LIN54: variants seen among roughly 807,000 people sequenced by gnomAD.
LIN54 encodes the protein protein lin-54 homolog.
Under a neutral mutation model 78.7 loss-of-function variants are expected in LIN54, and 9 were observed. The ratio of observed to expected loss-of-function variants is 0.11; its 90% CI spans 0.07 to 0.20. The LOEUF is 0.20. Ranked by LOEUF, LIN54 falls within the 10% of genes least tolerant of loss-of-function variation. LIN54 has a pLI of 1.00. For missense variants in LIN54, 573 were observed against 889.9 expected (o/e 0.64, Z 4.53); for synonymous variants, 269 against 318.4 (o/e 0.84, Z 1.65).
chr4:82,928,620 C>T (rs976592706), intron 12 of LIN54, among the ~76,000 whole-genome samples: 2 of 152,160 alleles, frequency 1.3e-5, no homozygotes, highest in Admixed American at 6.5e-5. Context: ...CTAAAATCCT[C>T]CTAAATCATG....
intron 1 of LIN54, among the ~76,000 whole-genome samples, chr4:82,993,727 C>T (rs867156401): frequency 2.0e-5 from 3 of 152,040 alleles, no homozygotes; most frequent in Non-Finnish European, 4.4e-5. Flanking sequence ...AAGCAACTCT[C>T]CTGCCTCAGC....
chr4:82,979,964 A>AAAAAAAAAAAC, intron 2 of LIN54, among the ~76,000 whole-genome samples: 1 of 139,576 alleles, frequency 7.2e-6, no homozygotes, highest in African/African-American at 2.6e-5. Flanking sequence ...AAAAAAAAAA[A>AAAAAAAAAAAC]AATACTGGGT....
intron 1 of LIN54, among the ~76,000 whole-genome samples, chr4:83,009,542 A>G (rs562534689): frequency 6.6e-6 from 1 of 152,228 alleles, no homozygotes; most frequent in Non-Finnish European, 1.5e-5. Flanking sequence ...AAGGAGACAG[A>G]CTCCTTACGG....
intron 1 of LIN54, among the ~76,000 whole-genome samples, chr4:83,007,716 T>A (rs1729521132): frequency 6.6e-6 from 1 of 151,934 alleles, no homozygotes; most frequent in African/African-American, 2.4e-5. Context: ...GGTGAAACCC[T>A]GTCTCTACCA....
At chr4:82,997,994 CA>C (rs58344267) in intron 1 of LIN54, among the ~76,000 whole-genome samples, 2 of 105,258 alleles carry the variant, frequency 1.9e-5, no homozygotes, top group Non-Finnish European at 4.5e-5. Flanking sequence ...AACTCCATCT[CA>C]AAAAAAAAAA....
intron 5 of LIN54, among the ~76,000 whole-genome samples, chr4:82,942,530 A>G (rs1219340918): frequency 1.3e-5 from 2 of 152,174 alleles, no homozygotes; most frequent in Non-Finnish European, 2.9e-5. Context: ...ATTTTCCTCA[A>G]TTATACTGAA....
Position 82,926,663 on chromosome 4 carries a change from C to G in LIN54, c.*1439G>C, listed in dbSNP as rs892128548. On this transcript the variant is annotated 3_prime_UTR_variant, in exon 13 of 13. Coordinates refer to ENST00000340417, the MANE Select transcript of LIN54 (RefSeq NM_194282.4). ...CTTAAATTCATAGAGTTTTTGAATA[C>G]TGAAAATGATTTAGGTTATTTTAGT... 1.3e-5 allele frequency: 2 copies of G among 152,080 alleles called. No homozygotes were observed. Among genetic ancestry groups the G allele is most frequent in the Non-Finnish European group, 1.5e-5 (1 of 68,018 alleles). 9.4% of individuals were successfully genotyped at this position (152,080 alleles called of 1,614,324 possible).
intron 1 of LIN54, among the ~76,000 whole-genome samples, chr4:83,004,209 A>G (rs1729100391): frequency 6.6e-6 from 1 of 152,044 alleles, no homozygotes; most frequent in Admixed American, 6.6e-5. Context: ...CAGCCTGGCC[A>G]ATACAGTGAC....
At chr4:82,964,427 AT>A (rs1213334125) in intron 4 of LIN54, among the ~76,000 whole-genome samples, 1 of 152,210 alleles carries the variant, frequency 6.6e-6, no homozygotes, top group Non-Finnish European at 1.5e-5. Flanking sequence ...GAAAGTGGGA[AT>A]CCTTGTTCAA....
chr4:82,959,034 A>G (rs1158542547), intron 4 of LIN54, among the ~76,000 whole-genome samples: 2 of 151,922 alleles, frequency 1.3e-5, no homozygotes, highest in African/African-American at 4.8e-5. Flanking sequence ...AAAATAAACC[A>G]TTCTCTAATA....
intron 1 of LIN54, among the ~76,000 whole-genome samples, chr4:83,000,180 C>T (rs953450421): frequency 2.8e-4 from 42 of 152,234 alleles, no homozygotes; most frequent in Non-Finnish European, 3.5e-4. Context: ...AGGTATGAGC[C>T]ACCATGCCCA....
chr4:82,978,787 T>C (rs529017264), intron 3 of LIN54, 96 bp downstream of exon 3: 461 of 714,300 alleles, frequency 6.5e-4, no homozygotes, highest in Non-Finnish European at 8.9e-4. Context: ...ATAAGCTATA[T>C]TTGTTACACT....
intron 2 of LIN54, among the ~76,000 whole-genome samples, chr4:82,982,404 ATTT>A (rs777479120): frequency 4.6e-5 from 7 of 152,052 alleles, no homozygotes; most frequent in Non-Finnish European, 1.0e-4. Context: ...AATTTTTTGT[ATTT>A]TTGGTAGAAA....
At chr4:82,942,358 C>A (rs557626897) in intron 5 of LIN54, among the ~76,000 whole-genome samples, 2 of 152,066 alleles carry the variant, frequency 1.3e-5, no homozygotes, top group African/African-American at 4.8e-5. Context: ...ATACTAAAAA[C>A]CAGTGAATGG....
intron 7 of LIN54, 38 bp downstream of exon 7, chr4:82,939,501 C>G: frequency 6.5e-7 from 1 of 1,529,952 alleles, no homozygotes; most frequent in Non-Finnish European, 9.1e-7. Flanking sequence ...ACCCCATTAT[C>G]ACTTTTGCAA....
chr4:82,983,007 GTTT>G (rs66577460), intron 2 of LIN54, among the ~76,000 whole-genome samples: 8 of 116,964 alleles, frequency 6.8e-5, no homozygotes, highest in Admixed American at 1.8e-4. Context: ...TGCATTTCTT[GTTT>G]TTTTTTTTTT....
chr4:82,983,013 T>G (rs1436055091), intron 2 of LIN54, among the ~76,000 whole-genome samples: 3 of 151,194 alleles, frequency 2.0e-5, no homozygotes, highest in East Asian at 1.9e-4. Context: ...TCTTGTTTTT[T>G]TTTTTTTTTT....
Position 82,978,944 on chromosome 4 carries a change from T to C in LIN54, c.747A>G (p.Lys249=), listed in dbSNP as rs1726391877. The change falls in exon 3 of 13, where the codon AAA becomes AAG. Residue 249 remains lysine (K), a synonymous_variant. Transcript: ENST00000340417. ...GPVITKLIFA[K]PINSKAVTGQ... is the part of the protein sequence containing the mutation. ...CTGTAACTGCTTTACTATTAATTGG[T>C]TTTGCAAAGATCAGCTTCGTGATTA... 6.3e-7 allele frequency: 1 copy of C among 1,594,614 alleles called. No individual in the cohort carries two copies. The highest frequency in any genetic ancestry group is 8.6e-7 in the Non-Finnish European group (1 of 1,165,944).
At chr4:82,934,810 A>C (rs1216747916) in intron 11 of LIN54, among the ~76,000 whole-genome samples, 3 of 152,250 alleles carry the variant, frequency 2.0e-5, no homozygotes, top group Non-Finnish European at 4.4e-5. Context: ...ACCACCCAAA[A>C]GACTGTCAGT....
Sources: gnomAD v4.1 joint callset for allele counts (sites outside exome capture counted in the v4.1 genomes callset) on GRCh38, gnomAD v4.1.1 for gene constraint, MANE v1.5 for transcripts, NCBI Gene and HGNC (gene_info 2026-07-23, HGNC 2026-07-21) for gene names.